Variants in CDYL2 observed in about 807,000 individuals in gnomAD.
CDYL2 encodes the protein chromodomain Y-like protein 2.
Under a neutral mutation model 49.4 loss-of-function variants are expected in CDYL2, and 23 were observed. The observed-to-expected ratio is 0.47, with a 90% CI of 0.34 to 0.66. CDYL2 has a LOEUF of 0.66. Among genes scored for constraint, CDYL2 ranks in the 30% least tolerant of loss-of-function variants. The pLI is 0.01. For missense variants in CDYL2, 678 were observed against 656.4 expected (o/e 1.03, Z -0.36); for synonymous variants, 360 against 268.8 (o/e 1.34, Z -3.32).
At chr16:80,724,308 G>C (rs1051614729) in intron 1 of CDYL2, among the ~76,000 whole-genome samples, 4 of 150,810 alleles carry the variant, frequency 2.7e-5, no homozygotes, top group African/African-American at 4.9e-5. Flanking sequence ...AGAAGAGAGA[G>C]AGGAAGATGG....
intron 1 of CDYL2, among the ~76,000 whole-genome samples, chr16:80,687,663 T>C (rs1362844125): frequency 1.3e-5 from 2 of 152,114 alleles, no homozygotes; most frequent in Admixed American, 6.6e-5. Context: ...ATGACACTTA[T>C]CAAAATGGCA....
intron 1 of CDYL2, among the ~76,000 whole-genome samples, chr16:80,713,180 C>T (rs1249217935): frequency 6.6e-6 from 1 of 152,188 alleles, no homozygotes; most frequent in Non-Finnish European, 1.5e-5. Flanking sequence ...TCATAATGCC[C>T]TGTGCAATGT....
intron 1 of CDYL2, among the ~76,000 whole-genome samples, chr16:80,688,486 T>C (rs1443294574): frequency 2.0e-5 from 3 of 152,188 alleles, no homozygotes; most frequent in Admixed American, 6.5e-5. Context: ...ATGACTCCGA[T>C]ACATATGAAC....
intron 1 of CDYL2, among the ~76,000 whole-genome samples, chr16:80,717,099 T>A (rs1474623207): frequency 1.4e-5 from 2 of 146,948 alleles, no homozygotes; most frequent in Non-Finnish European, 3.0e-5. Flanking sequence ...AATGATTGGG[T>A]TGACAAATGG....
intron 4 of CDYL2, among the ~76,000 whole-genome samples, chr16:80,613,552 C>T (rs1906697240): frequency 6.6e-6 from 1 of 152,116 alleles, no homozygotes; most frequent in African/African-American, 2.4e-5. Flanking sequence ...AATTGGGTTC[C>T]CTGTAGGAAG....
At chr16:80,743,245 C>A (rs1380958178) in intron 1 of CDYL2, among the ~76,000 whole-genome samples, 1 of 152,202 alleles carries the variant, frequency 6.6e-6, no homozygotes, top group Non-Finnish European at 1.5e-5. Flanking sequence ...AATACTTCTG[C>A]TCCCAGAAGT....
At chr16:80,755,201 A>C (rs2549737) in intron 1 of CDYL2, among the ~76,000 whole-genome samples, 152,286 of 152,292 alleles carry the variant, frequency 1, 76,140 homozygotes, top group Middle Eastern at 1. Context: ...CAGCAAATGT[A>C]AATTTCTCCT....
chr16:80,625,188 T>C (rs1414339311), intron 3 of CDYL2, among the ~76,000 whole-genome samples: 2 of 152,354 alleles, frequency 1.3e-5, no homozygotes, highest in East Asian at 3.9e-4. Context: ...TAAAATCAAG[T>C]TGTCAGCAAG....
At chr16:80,760,606 T>G (rs990511317) in intron 1 of CDYL2, among the ~76,000 whole-genome samples, 2 of 152,068 alleles carry the variant, frequency 1.3e-5, no homozygotes, top group Non-Finnish European at 2.9e-5. Flanking sequence ...CATAAATATA[T>G]GCACCTACTA....
intron 1 of CDYL2, among the ~76,000 whole-genome samples, chr16:80,743,324 T>G (rs1202645327): frequency 1.8e-4 from 28 of 152,208 alleles, no homozygotes; most frequent in Non-Finnish European, 5.9e-5. Flanking sequence ...TCTTCTTAAG[T>G]TCTTAAAATC....
intron 2 of CDYL2, among the ~76,000 whole-genome samples, chr16:80,667,173 G>T (rs139432613): frequency 1.3e-4 from 20 of 152,274 alleles, no homozygotes; most frequent in African/African-American, 4.8e-4. Flanking sequence ...GGCTCACAGC[G>T]GGAGGCATTC....
chr16:80,601,646 G>A lies in CDYL2; in HGVS notation c.*2742C>T, dbSNP rs1252633701. The A allele has an allele frequency of 2.0e-5, 3 of 152,288 alleles. No homozygotes were observed. The highest frequency in any genetic ancestry group is 7.2e-5 in the African/African-American group (3 of 41,560). 9.4% of individuals were successfully genotyped at this position (152,288 alleles called of 1,614,324 possible). A position where few individuals can be genotyped will look rare whatever the true frequency, so the allele number is the denominator to read the frequency against. On this transcript the variant is annotated 3_prime_UTR_variant, in exon 7 of 7. Coordinates refer to ENST00000570137, the MANE Select transcript of CDYL2 (RefSeq NM_152342.4). ...TCCATCCCAAATCTATTTGCTGTAA[G>A]TTACCTGGAATTCGCCTACACATGA...
chr16:80,642,251 T>C (rs1400827612), intron 2 of CDYL2, among the ~76,000 whole-genome samples: 2 of 152,144 alleles, frequency 1.3e-5, no homozygotes, highest in Admixed American at 6.6e-5. Context: ...GTGACCAGAC[T>C]GGCCAAAGTG....
At chr16:80,648,453 G>T (rs973026329) in intron 2 of CDYL2, among the ~76,000 whole-genome samples, 6 of 151,970 alleles carry the variant, frequency 3.9e-5, no homozygotes, top group African/African-American at 1.4e-4. Context: ...GAACCACGAA[G>T]AAATCCAAAA....
intron 1 of CDYL2, among the ~76,000 whole-genome samples, chr16:80,738,002 A>C (rs1905597250): frequency 6.6e-6 from 1 of 151,906 alleles, no homozygotes; most frequent in African/African-American, 2.4e-5. Flanking sequence ...ATTTCTCCTA[A>C]AGCTATCCCT....
intron 1 of CDYL2, among the ~76,000 whole-genome samples, chr16:80,742,959 T>C (rs1026611043): frequency 7.4e-6 from 1 of 135,228 alleles, no homozygotes; most frequent in African/African-American, 2.8e-5. Context: ...GATGGGTAGA[T>C]GAATGGGTGG....
chr16:80,669,286 G>A (rs972835533), intron 2 of CDYL2, among the ~76,000 whole-genome samples: 4 of 152,070 alleles, frequency 2.6e-5, no homozygotes, highest in Admixed American at 6.5e-5. Flanking sequence ...GCCAAGAAGG[G>A]GAAGCAGATA....
At chr16:80,767,507 T>G (rs2142390676) in intron 1 of CDYL2, among the ~76,000 whole-genome samples, 1 of 152,300 alleles carries the variant, frequency 6.6e-6, no homozygotes, top group Non-Finnish European at 1.5e-5. Flanking sequence ...TTACGAAAAA[T>G]GAAATGATCT....
chr16:80,704,353 T>C (rs1904332767), intron 1 of CDYL2, among the ~76,000 whole-genome samples: 1 of 152,244 alleles, frequency 6.6e-6, no homozygotes, highest in Admixed American at 6.5e-5. Flanking sequence ...AGATGGAACT[T>C]GATCATCATT....
Sources: gnomAD v4.1 joint callset for allele counts (sites outside exome capture counted in the v4.1 genomes callset) on GRCh38, gnomAD v4.1.1 for gene constraint, MANE v1.5 for transcripts, NCBI Gene and HGNC (gene_info 2026-07-23, HGNC 2026-07-21) for gene names.